CNTNAP4: variants seen among roughly 807,000 people sequenced by gnomAD.
CNTNAP4 encodes the protein contactin-associated protein-like 4.
A neutral mutation model predicts 148.4 loss-of-function variants in CNTNAP4; 98 were observed. That is an observed-to-expected ratio of 0.66 (90% confidence interval 0.56 to 0.78). The LOEUF is 0.78. CNTNAP4 is among the 30% of genes least tolerant of loss of function. The pLI is 0.00. For missense variants in CNTNAP4, 1,935 were observed against 1,565.6 expected (o/e 1.24, Z -3.98); for synonymous variants, 730 against 565.1 (o/e 1.29, Z -4.14).
intron 4 of CNTNAP4, among the ~76,000 whole-genome samples, chr16:76,444,158 G>T (rs1211100922): frequency 6.6e-6 from 1 of 152,058 alleles, no homozygotes; most frequent in Non-Finnish European, 1.5e-5. Context: ...AGGTAGATAC[G>T]CAAGAAGTTA....
chr16:76,283,710 C>T (rs928717630), intron 1 of CNTNAP4, among the ~76,000 whole-genome samples: 1 of 151,928 alleles, frequency 6.6e-6, no homozygotes, highest in Non-Finnish European at 1.5e-5. Flanking sequence ...CTAATGGGTA[C>T]TAGGCTTAAT....
rs557423874 is a variant in CNTNAP4 at position 76,443,957 on chromosome 16, C to T, written c.539-4055C>T. On this transcript the variant is annotated intron_variant, in intron 4 of 23. Transcript: ENST00000611870. ...GAAATCCAAACGTATGTTTTCAGTT[C>T]GCAATGTTAAAGTAAATTTTCAAAA... 1.8e-4 allele frequency among the ~76,000 whole-genome samples: 28 copies of T among 152,104 alleles called. 1 individual carries two copies. The East Asian group carries it at 2.1e-3, about 12-fold the overall frequency.
intron 3 of CNTNAP4, among the ~76,000 whole-genome samples, chr16:76,407,677 T>G (rs371831080): frequency 6.6e-6 from 1 of 152,104 alleles, no homozygotes; most frequent in Non-Finnish European, 1.5e-5. Flanking sequence ...TTGCTTCTTA[T>G]GAATGAGAGA....
At chr16:76,545,467 T>C (rs771329239) in intron 21 of CNTNAP4, among the ~76,000 whole-genome samples, 1 of 152,182 alleles carries the variant, frequency 6.6e-6, no homozygotes, top group Non-Finnish European at 1.5e-5. Flanking sequence ...TAAGCACGTA[T>C]AGTCATAGGC....
At chr16:76,286,832 T>C (rs1958907354) in intron 1 of CNTNAP4, among the ~76,000 whole-genome samples, 2 of 152,216 alleles carry the variant, frequency 1.3e-5, no homozygotes, top group African/African-American at 4.8e-5. Flanking sequence ...GGATTTATAA[T>C]ACATATTTAC....
chr16:76,552,875 G>T (rs978150635), intron 21 of CNTNAP4, among the ~76,000 whole-genome samples: 2 of 152,146 alleles, frequency 1.3e-5, no homozygotes, highest in East Asian at 3.9e-4. Flanking sequence ...TACTTTCAGG[G>T]CATAAGTCTT....
intron 3 of CNTNAP4, among the ~76,000 whole-genome samples, chr16:76,380,785 A>G (rs998638609): frequency 1.3e-5 from 2 of 152,184 alleles, no homozygotes; most frequent in Non-Finnish European, 2.9e-5. Flanking sequence ...TGATTATGTC[A>G]GCAGTTACCG....
intron 12 of CNTNAP4, among the ~76,000 whole-genome samples, chr16:76,482,330 G>A (rs1010118796): frequency 1.3e-5 from 2 of 151,918 alleles, no homozygotes; most frequent in Non-Finnish European, 2.9e-5. Context: ...CAAAAATAAC[G>A]ACACAGTTTT....
intron 4 of CNTNAP4, among the ~76,000 whole-genome samples, chr16:76,445,554 A>C (rs1487453062): frequency 6.6e-6 from 1 of 152,184 alleles, no homozygotes; most frequent in East Asian, 1.9e-4. Context: ...AAGAGTATGC[A>C]ATTGCTTTAG....
At chr16:76,489,517 A>G (rs1245912427) in intron 12 of CNTNAP4, among the ~76,000 whole-genome samples, 169 bp from the exon 13 acceptor site, 2 of 152,220 alleles carry the variant, frequency 1.3e-5, no homozygotes, top group African/African-American at 2.4e-5. Flanking sequence ...CACTTACCAT[A>G]ACTTAAAAAT....
intron 3 of CNTNAP4, among the ~76,000 whole-genome samples, chr16:76,363,160 C>G (rs1264156232): frequency 2.2e-5 from 3 of 137,478 alleles, no homozygotes; most frequent in African/African-American, 8.0e-5. Context: ...AAACCCTTAT[C>G]TTTTTTTTTT....
At chr16:76,403,231 T>C (rs2078482245) in intron 3 of CNTNAP4, among the ~76,000 whole-genome samples, 1 of 152,042 alleles carries the variant, frequency 6.6e-6, no homozygotes, top group Non-Finnish European at 1.5e-5. Context: ...TAGCTGGGAC[T>C]ACAGGCACCT....
chr16:76,531,721 G>A (rs752697546), intron 17 of CNTNAP4, among the ~76,000 whole-genome samples: 30 of 152,090 alleles, frequency 2.0e-4, no homozygotes, highest in Non-Finnish European at 3.2e-4. Flanking sequence ...CATTAGCCAC[G>A]TTTTTCAAAT....
intron 1 of CNTNAP4, among the ~76,000 whole-genome samples, chr16:76,312,848 G>A (rs906288431): frequency 2.0e-5 from 3 of 152,174 alleles, no homozygotes; most frequent in African/African-American, 7.2e-5. Context: ...GTAAAGATTA[G>A]TTACTATGTG....
At chr16:76,392,706 G>A (rs2144776858) in intron 3 of CNTNAP4, among the ~76,000 whole-genome samples, 2 of 152,296 alleles carry the variant, frequency 1.3e-5, no homozygotes, top group South Asian at 4.1e-4. Flanking sequence ...TTTTCTTGGA[G>A]TGTTGAGTCT....
Position 76,297,961 on chromosome 16 carries a change from T to G in CNTNAP4, c.86-18452T>G, listed in dbSNP as rs1959488193. ...ATGTCAAACATATTATTTTTTTTTC[T>G]TATCACCCGTAATCAGAAACCTGAA... On this transcript the variant is annotated intron_variant, in intron 1 of 23. Transcript: ENST00000611870. Among the ~76,000 whole-genome samples, 4 of 152,310 alleles carry G rather than the reference T, an allele frequency of 2.6e-5. No homozygotes were observed. In the South Asian group the frequency reaches 8.3e-4, roughly 32 times the overall value.
chr16:76,463,110 C>G (rs939838726), intron 9 of CNTNAP4, among the ~76,000 whole-genome samples: 1 of 152,122 alleles, frequency 6.6e-6, no homozygotes, highest in Admixed American at 6.5e-5. Context: ...ATACTTGTTT[C>G]CTTTACTGAG....
intron 3 of CNTNAP4, among the ~76,000 whole-genome samples, chr16:76,384,206 G>C (rs552510180): frequency 5.2e-4 from 79 of 152,024 alleles, no homozygotes; most frequent in African/African-American, 1.8e-3. Context: ...ACCATGCCTG[G>C]CTAATTTTTG....
chr16:76,325,728 A>T (rs1347360268), intron 2 of CNTNAP4, among the ~76,000 whole-genome samples: 2 of 152,146 alleles, frequency 1.3e-5, no homozygotes, highest in Non-Finnish European at 2.9e-5. Context: ...CTACAAAAAG[A>T]ACAACAAATT....
Sources: allele counts gnomAD v4.1 joint callset (sites outside exome capture counted in the v4.1 genomes callset), GRCh38; gene constraint gnomAD v4.1.1; transcripts MANE v1.5; gene names NCBI Gene and HGNC (gene_info 2026-07-23, HGNC 2026-07-21).